Variants in CXCL13 observed in about 807,000 individuals in gnomAD.
The protein encoded by CXCL13 is C-X-C motif chemokine 13.
CXCL13 carries 7 observed loss-of-function variants against 12.2 expected under a neutral mutation model. The ratio of observed to expected loss-of-function variants is 0.57; its 90% CI spans 0.33 to 1.07. CXCL13 has a LOEUF of 1.07. Ranked by LOEUF, CXCL13 falls within the 50% of genes least tolerant of loss-of-function variation. The probability of loss-of-function intolerance (pLI) is 0.04; values close to 1 mark genes in which losing one functional copy is unlikely to be tolerated. For synonymous variants in CXCL13, 47 were observed against 42.4 expected (o/e 1.11, Z -0.42); for missense variants, 113 against 127.4 (o/e 0.89, Z 0.55).
At chr4:77,537,611 GT>G (rs1162408155) in intron 1 of CXCL13, among the ~76,000 whole-genome samples, 5 of 152,204 alleles carry the variant, frequency 3.3e-5, no homozygotes, top group African/African-American at 4.8e-5. Context: ...ATTTAGCTAA[GT>G]TCTAAAATGT....
chr4:77,514,803 T>G (rs544399967), intron 1 of CXCL13, among the ~76,000 whole-genome samples: 2 of 152,102 alleles, frequency 1.3e-5, no homozygotes, highest in African/African-American at 2.4e-5. Flanking sequence ...AGAAGCTCTT[T>G]AGTTTAATTA....
At chr4:77,583,170 G>C (rs1287717773) in intron 1 of CXCL13, among the ~76,000 whole-genome samples, 1 of 152,198 alleles carries the variant, frequency 6.6e-6, no homozygotes, top group Non-Finnish European at 1.5e-5. Context: ...CATTGGGAAA[G>C]CTTCTACTTT....
At chr4:77,555,721 G>A (rs997070346) in intron 1 of CXCL13, among the ~76,000 whole-genome samples, 1 of 151,970 alleles carries the variant, frequency 6.6e-6, no homozygotes, top group Non-Finnish European at 1.5e-5. Context: ...TGTTGTTTGT[G>A]TTACTTTTAT....
At chr4:77,573,754 G>T (rs1352895453) in intron 1 of CXCL13, among the ~76,000 whole-genome samples, 1 of 151,886 alleles carries the variant, frequency 6.6e-6, no homozygotes, top group African/African-American at 2.4e-5. Context: ...TGGTGGCCTG[G>T]GTTCAATTCC....
intron 1 of CXCL13, among the ~76,000 whole-genome samples, chr4:77,564,726 CA>C (rs1482473290): frequency 6.6e-6 from 1 of 152,140 alleles, no homozygotes; most frequent in Non-Finnish European, 1.5e-5. Context: ...CTGTGGAGCC[CA>C]AACTCTTAAT....
At chr4:77,602,911 G>T (rs1436325223), upstream of CXCL13, among the ~76,000 whole-genome samples, 2 of 152,118 alleles carry the variant, frequency 1.3e-5, no homozygotes, top group Admixed American at 1.3e-4. Flanking sequence ...GGCTATCAGA[G>T]AGCTGCCCAA....
At chr4:77,519,174 T>A (rs956213104) in intron 1 of CXCL13, among the ~76,000 whole-genome samples, 1 of 152,202 alleles carries the variant, frequency 6.6e-6, no homozygotes, top group East Asian at 1.9e-4. Flanking sequence ...GAGGAGTACC[T>A]GGCCATGTGA....
intron 1 of CXCL13, among the ~76,000 whole-genome samples, chr4:77,556,732 C>A (rs1320260389): frequency 6.6e-6 from 1 of 151,966 alleles, no homozygotes; most frequent in African/African-American, 2.4e-5. Flanking sequence ...ATATTAGGTC[C>A]ACAATCCAAG....
chr4:77,589,972 T>C (rs1210108975), intron 1 of CXCL13, among the ~76,000 whole-genome samples: 1 of 152,162 alleles, frequency 6.6e-6, no homozygotes, highest in South Asian at 2.1e-4. Context: ...ACATTCCCCA[T>C]ATTCGCATCT....
intron 1 of CXCL13, among the ~76,000 whole-genome samples, chr4:77,576,263 GC>G (rs2109821765): frequency 6.6e-6 from 1 of 152,124 alleles, no homozygotes; most frequent in Non-Finnish European, 1.5e-5. Flanking sequence ...TTTTGCTTTT[GC>G]TTGGAACATT....
chr4:77,522,903 G>A (rs538577596), intron 1 of CXCL13, among the ~76,000 whole-genome samples: 1 of 152,084 alleles, frequency 6.6e-6, no homozygotes, highest in African/African-American at 2.4e-5. Flanking sequence ...AGGCAGGCCT[G>A]GTGGTGACAA....
At chr4:77,587,043 TG>T (rs1266811443) in intron 1 of CXCL13, among the ~76,000 whole-genome samples, 1 of 152,190 alleles carries the variant, frequency 6.6e-6, no homozygotes, top group Non-Finnish European at 1.5e-5. Flanking sequence ...GGGCGGCTGC[TG>T]CTTAGTCACT....
chr4:77,597,316 C>T (rs1022337220), intron 1 of CXCL13, among the ~76,000 whole-genome samples: 3 of 151,690 alleles, frequency 2.0e-5, no homozygotes, highest in African/African-American at 4.8e-5. Context: ...TAGGTTTTCC[C>T]CTGGGGGCAA....
intron 1 of CXCL13, among the ~76,000 whole-genome samples, chr4:77,550,974 A>G (rs1331926228): frequency 2.6e-5 from 4 of 152,188 alleles, no homozygotes; most frequent in African/African-American, 4.8e-5. Flanking sequence ...TTCTGTTTAC[A>G]TAACAAATCT....
At chr4:77,545,177 G>C (rs1437676631) in intron 1 of CXCL13, among the ~76,000 whole-genome samples, 1 of 152,156 alleles carries the variant, frequency 6.6e-6, no homozygotes, top group Non-Finnish European at 1.5e-5. Flanking sequence ...AAGTCAGGTA[G>C]GGTGATGCCT....
intron 1 of CXCL13, among the ~76,000 whole-genome samples, chr4:77,579,688 C>A (rs1318321328): frequency 6.6e-6 from 1 of 151,864 alleles, no homozygotes; most frequent in Non-Finnish European, 1.5e-5. Context: ...AGTGCCAAGC[C>A]CTAGAAATTA....
At chr4:77,519,754 A>G (rs1034875176) in intron 1 of CXCL13, among the ~76,000 whole-genome samples, 3 of 152,078 alleles carry the variant, frequency 2.0e-5, no homozygotes, top group Non-Finnish European at 2.9e-5. Context: ...TTTTGTTGTC[A>G]TTGCTTTTGG....
At chr4:77,561,372 G>A (rs1725807153) in intron 1 of CXCL13, among the ~76,000 whole-genome samples, 1 of 152,130 alleles carries the variant, frequency 6.6e-6, no homozygotes, top group Non-Finnish European at 1.5e-5. Context: ...TAATTTAATG[G>A]CAGCTCTATA....
In CXCL13 at chr4:77,575,484, C is replaced by T. The variant is rs1726177929; in HGVS notation, c.-42-30340C>T. ...TCAACAGGCCCTGATGTGTGATGTTCCCCTCCCTGTGTCCATGTGTTCTCA... is the reference window on the plus strand; with the variant it reads ...TCAACAGGCCCTGATGTGTGATGTTTCCCTCCCTGTGTCCATGTGTTCTCA... On this transcript the variant is annotated intron_variant, in intron 1 of 4. Transcript: ENST00000286758. Among the ~76,000 whole-genome samples, 2 of 151,544 alleles carry T rather than the reference C, an allele frequency of 1.3e-5. 1 individual carries two copies. Among genetic ancestry groups the T allele is most frequent in the African/African-American group, 4.9e-5 (2 of 40,936 alleles).
Sources: allele counts gnomAD v4.1 joint callset (sites outside exome capture counted in the v4.1 genomes callset), GRCh38; gene constraint gnomAD v4.1.1; transcripts MANE v1.5; gene names NCBI Gene and HGNC (gene_info 2026-07-23, HGNC 2026-07-21).